Variants in RAB6A observed in about 807,000 individuals in gnomAD.
RAB6A encodes RAB6A, member RAS oncogene family.
A neutral mutation model predicts 32.3 loss-of-function variants in RAB6A; 8 were observed. The ratio of observed to expected loss-of-function variants is 0.25; its 90% confidence interval spans 0.15 to 0.45. The LOEUF (loss-of-function observed/expected upper bound fraction) is 0.45, where lower values mean the gene tolerates loss of function less well. RAB6A is among the 20% of genes least tolerant of loss of function. The probability of loss-of-function intolerance (pLI) is 1.00; values close to 1 mark genes in which losing one functional copy is unlikely to be tolerated. For synonymous variants in RAB6A, 73 were observed against 82.1 expected (o/e 0.89, Z 0.60); for missense variants, 104 against 249.4 (o/e 0.42, Z 3.93).
chr11:73,757,118 TATATATA>T (rs1946766152), intron 1 of RAB6A, among the ~76,000 whole-genome samples: 13 of 49,124 alleles, frequency 2.6e-4, no homozygotes, highest in Non-Finnish European at 3.6e-4. Context: ...TATATATATA[TATATATA>T]TATATTTTTT....
At chr11:73,755,954 A>G (rs996750546) in intron 1 of RAB6A, among the ~76,000 whole-genome samples, 2 of 152,124 alleles carry the variant, frequency 1.3e-5, no homozygotes, top group Non-Finnish European at 2.9e-5. Context: ...GAACAACAAT[A>G]ACAACTACAT....
At chr11:73,686,973 C>A (rs984458189) in intron 6 of RAB6A, among the ~76,000 whole-genome samples, 10 of 151,876 alleles carry the variant, frequency 6.6e-5, no homozygotes, top group Non-Finnish European at 1.0e-4. Context: ...AGAAACAACC[C>A]ACGTGCTATA....
intron 1 of RAB6A, among the ~76,000 whole-genome samples, chr11:73,746,814 T>G (rs1946595241): frequency 6.6e-6 from 1 of 151,490 alleles, no homozygotes; most frequent in African/African-American, 2.4e-5. Flanking sequence ...ACTACTGGGT[T>G]GAAATCCCAG....
At chr11:73,757,688 A>T (rs953103470) in intron 1 of RAB6A, among the ~76,000 whole-genome samples, 2 of 152,210 alleles carry the variant, frequency 1.3e-5, no homozygotes, top group Non-Finnish European at 2.9e-5. Context: ...CCTCTAAACG[A>T]TTGGTTTCTC....
intron 1 of RAB6A, among the ~76,000 whole-genome samples, chr11:73,742,985 C>T (rs927830197): frequency 6.6e-6 from 1 of 151,892 alleles, no homozygotes. Flanking sequence ...AATATGCACA[C>T]ATACAAGAGA....
chr11:73,692,332 C>G (rs1037257973), intron 6 of RAB6A, among the ~76,000 whole-genome samples: 17 of 150,676 alleles, frequency 1.1e-4, no homozygotes, highest in Non-Finnish European at 1.5e-5. Context: ...GAAACCCCGT[C>G]TCTACTAAAA....
chr11:73,728,918 T>A (rs1946264881), intron 2 of RAB6A, among the ~76,000 whole-genome samples: 1 of 152,038 alleles, frequency 6.6e-6, no homozygotes, highest in Admixed American at 6.6e-5. Flanking sequence ...GATGCTGGGA[T>A]TTTCTATGTG....
At chr11:73,697,170 C>T (rs896351788) in intron 6 of RAB6A, among the ~76,000 whole-genome samples, 1 of 152,112 alleles carries the variant, frequency 6.6e-6, no homozygotes, top group African/African-American at 2.4e-5. Flanking sequence ...ATGCTCTTCC[C>T]TGGATGTATA....
intron 1 of RAB6A, among the ~76,000 whole-genome samples, chr11:73,753,935 A>G (rs1224922867): frequency 6.6e-6 from 1 of 152,234 alleles, no homozygotes; most frequent in African/African-American, 2.4e-5. Context: ...CTGACACTGT[A>G]GCAATTTTCA....
rs145957067 is a variant in RAB6A at position 73,694,061 on chromosome 11, A to T, written c.495+13359T>A. 2.0e-5 allele frequency among the ~76,000 whole-genome samples: 3 copies of T among 152,334 alleles called. No individual in the cohort carries two copies. The East Asian group carries it at 5.8e-4, about 29-fold the overall frequency. ...AGAATTACCTGGGAAGCTTAAAAACAAACAAAACTCCAGATGCTTGGGCCT... is the reference window on the plus strand; with the variant it reads ...AGAATTACCTGGGAAGCTTAAAAACTAACAAAACTCCAGATGCTTGGGCCT... On this transcript the variant is annotated intron_variant, in intron 6 of 7. Coordinates refer to ENST00000336083, the MANE Select transcript of RAB6A (RefSeq NM_198896.2).
chr11:73,691,675 A>C (rs1945566483), intron 6 of RAB6A, among the ~76,000 whole-genome samples: 1 of 152,200 alleles, frequency 6.6e-6, no homozygotes, highest in South Asian at 2.1e-4. Flanking sequence ...AGGAAGCAAA[A>C]AGTGGCCAGG....
intron 1 of RAB6A, among the ~76,000 whole-genome samples, chr11:73,751,753 A>T (rs1416266960): frequency 1.3e-5 from 2 of 152,184 alleles, no homozygotes; most frequent in Non-Finnish European, 1.5e-5. Flanking sequence ...TATGACTTCA[A>T]ACCCTCTCTC....
At chr11:73,736,824 A>AAAAAAAAAAAAAAAC (rs1555066487) in intron 1 of RAB6A, among the ~76,000 whole-genome samples, 3 of 144,598 alleles carry the variant, frequency 2.1e-5, no homozygotes, top group Non-Finnish European at 1.5e-5. Flanking sequence ...AAAAAAAAAA[A>AAAAAAAAAAAAAAAC]AACAATTAGC....
At chr11:73,688,608 TACC>T (rs2134877570) in intron 6 of RAB6A, among the ~76,000 whole-genome samples, 1 of 152,334 alleles carries the variant, frequency 6.6e-6, no homozygotes, top group African/African-American at 2.4e-5. Context: ...GCTAAGGATT[TACC>T]ACCTGACTCT....
At chr11:73,709,904 CAT>C (rs1052688236) in intron 5 of RAB6A, among the ~76,000 whole-genome samples, 2 of 142,806 alleles carry the variant, frequency 1.4e-5, no homozygotes, top group Non-Finnish European at 3.1e-5. Context: ...TATACACACA[CAT>C]ATATACATAT....
chr11:73,738,380 T>C (rs1375606247), intron 1 of RAB6A, among the ~76,000 whole-genome samples: 1 of 152,138 alleles, frequency 6.6e-6, no homozygotes, highest in African/African-American at 2.4e-5. Flanking sequence ...TCAGGGACAG[T>C]GGCTCTTGCC....
chr11:73,718,480 G>C (rs1407077323), intron 4 of RAB6A, 133 bp downstream of exon 4: 4 of 726,806 alleles, frequency 5.5e-6, no homozygotes, highest in Non-Finnish European at 8.8e-6. Context: ...TTCTGACCTG[G>C]CTGGTATGTA....
intron 1 of RAB6A, among the ~76,000 whole-genome samples, chr11:73,757,129 A>ATATAT (rs1555070136): frequency 4.3e-4 from 13 of 30,354 alleles, no homozygotes; most frequent in Non-Finnish European, 6.0e-4. Context: ...ATATATATAT[A>ATATAT]TTTTTTTTTT....
chr11:73,739,281 A>ATTT (rs1565374050), intron 1 of RAB6A, among the ~76,000 whole-genome samples: 4 of 42,370 alleles, frequency 9.4e-5, no homozygotes, highest in Non-Finnish European at 2.0e-4. Context: ...AAAAAAAAAA[A>ATTT]AAAATATATA....
Sources: allele counts gnomAD v4.1 joint callset (sites outside exome capture counted in the v4.1 genomes callset), GRCh38; gene constraint gnomAD v4.1.1; transcripts MANE v1.5; gene names NCBI Gene and HGNC (gene_info 2026-07-23, HGNC 2026-07-21).